Variants in CCSER1 observed in about 807,000 individuals in gnomAD.
CCSER1 encodes the protein serine-rich coiled-coil domain-containing protein 1.
In CCSER1, 41 loss-of-function variants were observed where a neutral mutation model predicts 82.0. That is an observed-to-expected ratio of 0.50 (90% CI 0.39 to 0.65). The LOEUF is 0.65. CCSER1 is among the 30% of genes least tolerant of loss of function. CCSER1 has a pLI of 0.00. For missense variants in CCSER1, 1,119 were observed against 1,064.2 expected (o/e 1.05, Z -0.72); for synonymous variants, 414 against 383.9 (o/e 1.08, Z -0.92).
intron 10 of CCSER1, among the ~76,000 whole-genome samples, chr4:91,526,832 A>G (rs1478092088): frequency 6.6e-6 from 1 of 151,758 alleles, no homozygotes; most frequent in Non-Finnish European, 1.5e-5. Flanking sequence ...ATGTCAGGTG[A>G]TCCACCTGCC....
At chr4:90,943,721 C>CCAGG (rs1299392614) in intron 9 of CCSER1, among the ~76,000 whole-genome samples, 1 of 109,792 alleles carries the variant, frequency 9.1e-6, no homozygotes, top group East Asian at 3.9e-4. Context: ...AGCCACTGTG[C>CCAGG]CAGGCTAATT....
rs570379428 is a variant in CCSER1, at chr4:90,629,119, T to C, written c.1932+887T>C. ...TTTAGAATTAATGGTCCCTATGTTA[T>C]AATGATTGCTAATATTTGCTTTTTG... On this transcript the variant is annotated intron_variant, in intron 6 of 10. Transcript: ENST00000509176. Among the ~76,000 whole-genome samples the C allele has an allele frequency of 1.8e-4, 27 of 152,318 alleles. 1 individual carries two copies. The South Asian group carries it at 5.6e-3, about 32-fold the overall frequency.
intron 10 of CCSER1, among the ~76,000 whole-genome samples, chr4:91,533,156 C>A (rs1019122380): frequency 2.6e-5 from 4 of 152,082 alleles, no homozygotes; most frequent in African/African-American, 9.7e-5. Flanking sequence ...CAACAGAAAC[C>A]TGAATAATTC....
chr4:90,509,513 A>AT (rs907815665), intron 5 of CCSER1, among the ~76,000 whole-genome samples: 9 of 152,040 alleles, frequency 5.9e-5, no homozygotes, highest in African/African-American at 7.2e-5. Context: ...AATTGCAATC[A>AT]TTTTTTTTAT....
chr4:91,423,991 C>CTCAGCA (rs1353386298), intron 10 of CCSER1, among the ~76,000 whole-genome samples: 1 of 144,208 alleles, frequency 6.9e-6, no homozygotes, highest in Non-Finnish European at 1.5e-5. Context: ...ACTGTAAGAA[C>CTCAGCA]TCAGCAGATC....
chr4:90,778,527 TA>T lies in CCSER1; in HGVS notation c.2011-37222del, dbSNP rs35328489. ...AGTATCTTATTGGGAATGCATTTCT[TA>T]AAAAAAAAAAAACACAAAAAGAAAC... On this transcript the variant is annotated intron_variant, in intron 7 of 10. Transcript: ENST00000509176. 4.4e-3 allele frequency among the ~76,000 whole-genome samples: 630 copies of T among 143,368 alleles called. 4 individuals carry two copies. Among genetic ancestry groups the T allele is most frequent in the Middle Eastern group, 7.2e-3 (2 of 276 alleles). The allele number at this position is 143,368 out of a possible 152,430, so 94.1% of individuals were successfully genotyped here.
At chr4:91,271,838 T>C (rs974325729) in intron 10 of CCSER1, among the ~76,000 whole-genome samples, 2 of 152,186 alleles carry the variant, frequency 1.3e-5, no homozygotes, top group Non-Finnish European at 2.9e-5. Context: ...AACTGCAACC[T>C]CTGCCTCCTG....
At chr4:91,056,279 A>G (rs575737580) in intron 9 of CCSER1, among the ~76,000 whole-genome samples, 7 of 152,010 alleles carry the variant, frequency 4.6e-5, no homozygotes, top group South Asian at 2.1e-4. Flanking sequence ...TGATTCTATG[A>G]CAGAATACCT....
intron 7 of CCSER1, among the ~76,000 whole-genome samples, chr4:90,813,318 C>G (rs916250212): frequency 6.6e-6 from 1 of 152,236 alleles, no homozygotes; most frequent in African/African-American, 2.4e-5. Context: ...TCTCATTTGA[C>G]TCTGTGTCTT....
chr4:90,781,990 C>A, intron 7 of CCSER1: 1 of 877,844 alleles, frequency 1.1e-6, no homozygotes, highest in Non-Finnish European at 1.4e-6. Flanking sequence ...AAATGAAGAA[C>A]ATTTCTATTA....
chr4:90,975,142 T>C (rs904675941), intron 9 of CCSER1, among the ~76,000 whole-genome samples: 3 of 151,468 alleles, frequency 2.0e-5, no homozygotes, highest in African/African-American at 7.3e-5. Flanking sequence ...ATTCAATTTA[T>C]ATGAAATGTT....
intron 9 of CCSER1, among the ~76,000 whole-genome samples, chr4:90,924,599 G>C (rs1437256695): frequency 3.3e-5 from 5 of 152,104 alleles, no homozygotes; most frequent in Non-Finnish European, 7.4e-5. Flanking sequence ...CTTAAATTAT[G>C]TTGACATCTA....
intron 9 of CCSER1, among the ~76,000 whole-genome samples, chr4:91,010,564 G>T (rs1738927166): frequency 7.5e-6 from 1 of 134,186 alleles, no homozygotes; most frequent in African/African-American, 2.5e-5. Context: ...TTACTTAATG[G>T]TGTCCCATAA....
At chr4:90,192,690 C>T (rs887410282) in intron 1 of CCSER1, among the ~76,000 whole-genome samples, 9 of 151,938 alleles carry the variant, frequency 5.9e-5, no homozygotes, top group African/African-American at 2.2e-4. Context: ...ATTTATATTG[C>T]CAGTAGTGTA....
intron 10 of CCSER1, among the ~76,000 whole-genome samples, chr4:91,163,651 C>G (rs1323492424): frequency 1.3e-5 from 2 of 152,158 alleles, no homozygotes; most frequent in African/African-American, 4.8e-5. Context: ...ATAGTTAGCT[C>G]TTCTCGTTGA....
chr4:90,545,742 G>A (rs1776679520), intron 5 of CCSER1, among the ~76,000 whole-genome samples: 1 of 152,058 alleles, frequency 6.6e-6, no homozygotes, highest in African/African-American at 2.4e-5. Context: ...ATATCTCATA[G>A]TAAACTTCGG....
At chr4:91,574,461 C>G (rs544398930) in intron 10 of CCSER1, among the ~76,000 whole-genome samples, 1 of 152,094 alleles carries the variant, frequency 6.6e-6, no homozygotes, top group African/African-American at 2.4e-5. Context: ...AATCACAGCA[C>G]TATTCACAAT....
chr4:90,721,896 T>C (rs1439903889), intron 6 of CCSER1, among the ~76,000 whole-genome samples: 2 of 151,408 alleles, frequency 1.3e-5, no homozygotes, highest in Non-Finnish European at 3.0e-5. Context: ...TTTATCTCAA[T>C]ATTTCCTCAG....
chr4:90,701,196 A>C (rs1010413838), intron 6 of CCSER1, among the ~76,000 whole-genome samples: 6 of 152,194 alleles, frequency 3.9e-5, no homozygotes, highest in African/African-American at 1.4e-4. Flanking sequence ...TCAGGTTTCT[A>C]CATATGGCTA....
Sources: gnomAD v4.1 joint callset for allele counts (sites outside exome capture counted in the v4.1 genomes callset) on GRCh38, gnomAD v4.1.1 for gene constraint, MANE v1.5 for transcripts, NCBI Gene and HGNC (gene_info 2026-07-23, HGNC 2026-07-21) for gene names.